Variants in TFCP2L1 observed in about 807,000 individuals in gnomAD.
TFCP2L1 encodes the protein transcription factor CP2 like 1.
Under a neutral mutation model 72.2 loss-of-function variants are expected in TFCP2L1, and 12 were observed. The ratio of observed to expected loss-of-function variants is 0.17; its 90% confidence interval spans 0.11 to 0.27. TFCP2L1 has a LOEUF of 0.27. Among genes scored for constraint, TFCP2L1 ranks in the 10% least tolerant of loss-of-function variants. The pLI, the probability that TFCP2L1 is intolerant of heterozygous loss-of-function variation, is 1.00. For synonymous variants in TFCP2L1, 260 were observed against 251.0 expected (o/e 1.04, Z -0.34); for missense variants, 488 against 624.6 (o/e 0.78, Z 2.33).
intron 2 of TFCP2L1, among the ~76,000 whole-genome samples, chr2:121,252,376 T>A (rs1207440473): frequency 6.6e-6 from 1 of 152,058 alleles, no homozygotes; most frequent in Non-Finnish European, 1.5e-5. Context: ...AAAAAGCAAT[T>A]GATTAGTACC....
intron 13 of TFCP2L1, among the ~76,000 whole-genome samples, chr2:121,229,867 T>C (rs1049894981): frequency 6.6e-6 from 1 of 152,208 alleles, no homozygotes; most frequent in African/African-American, 2.4e-5. Context: ...CCCTGCATTT[T>C]CTCTACTTCT....
At chr2:121,247,785 A>G (rs886659316) in intron 5 of TFCP2L1, among the ~76,000 whole-genome samples, 3 of 151,984 alleles carry the variant, frequency 2.0e-5, no homozygotes, top group African/African-American at 7.3e-5. Flanking sequence ...TTGATCTCAC[A>G]TGGCATATAA....
At chr2:121,262,988 T>C (rs1488390114) in intron 2 of TFCP2L1, among the ~76,000 whole-genome samples, 2 of 152,190 alleles carry the variant, frequency 1.3e-5, no homozygotes, top group African/African-American at 2.4e-5. Context: ...CAGGCTGGAG[T>C]GCAATGGCAC....
chr2:121,255,745 A>ATTT (rs67001640), intron 2 of TFCP2L1, among the ~76,000 whole-genome samples: 2 of 141,510 alleles, frequency 1.4e-5, no homozygotes, highest in African/African-American at 2.6e-5. Context: ...CCCTGAACTT[A>ATTT]TTTTTTTTTT....
At chr2:121,280,549 G>A (rs1044431757) in intron 2 of TFCP2L1, among the ~76,000 whole-genome samples, 9 of 152,160 alleles carry the variant, frequency 5.9e-5, no homozygotes, top group Admixed American at 2.0e-4. Context: ...CTTGAGCCCA[G>A]GAGTTTGAGA....
rs1685850413 is a variant in TFCP2L1 at position 121,217,135 on chromosome 2, C to T, written c.*7206G>A. 1 of 152,290 alleles carries T rather than the reference C, an allele frequency of 6.6e-6. No individual in the cohort carries two copies. The highest frequency in any genetic ancestry group is 1.5e-5 in the Non-Finnish European group (1 of 68,074). 9.4% of individuals were successfully genotyped at this position (152,290 alleles called of 1,614,324 possible). On this transcript the variant is annotated 3_prime_UTR_variant, in exon 15 of 15. Coordinates refer to ENST00000263707, the MANE Select transcript of TFCP2L1 (RefSeq NM_014553.3). ...CCGGACTGGACACCAGGAAGCTCAACCTGGCTCGGGCCATCAGTAGCTGTG... is the reference window on the plus strand; with the variant it reads ...CCGGACTGGACACCAGGAAGCTCAATCTGGCTCGGGCCATCAGTAGCTGTG...
chr2:121,241,508 A>G, intron 7 of TFCP2L1, among the ~76,000 whole-genome samples: 1 of 148,570 alleles, frequency 6.7e-6, no homozygotes, highest in East Asian at 2.0e-4. Flanking sequence ...AAAAACAAAC[A>G]AAAAAAAAAG....
chr2:121,241,021 A>T (rs983377169), intron 7 of TFCP2L1, among the ~76,000 whole-genome samples: 1 of 152,220 alleles, frequency 6.6e-6, no homozygotes, highest in Non-Finnish European at 1.5e-5. Flanking sequence ...CCTCACCCCT[A>T]ACAGCCTTAA....
chr2:121,265,037 C>T (rs1478149583), intron 2 of TFCP2L1, among the ~76,000 whole-genome samples: 1 of 152,194 alleles, frequency 6.6e-6, no homozygotes, highest in African/African-American at 2.4e-5. Flanking sequence ...AGGCTCACAA[C>T]AGCATTATTC....
At chr2:121,280,969 T>C (rs1003750545) in intron 2 of TFCP2L1, 151 bp downstream of exon 2, 1 of 909,380 alleles carries the variant, frequency 1.1e-6, no homozygotes, top group Non-Finnish European at 1.6e-6. Context: ...AGCTGGAAAA[T>C]GGAATCTGAA....
At chr2:121,226,983 C>T (rs1686043007) in intron 13 of TFCP2L1, among the ~76,000 whole-genome samples, 1 of 152,186 alleles carries the variant, frequency 6.6e-6, no homozygotes, top group Non-Finnish European at 1.5e-5. Flanking sequence ...CTACCAGCCC[C>T]GTCAGTCAAC....
At chr2:121,270,125 A>G (rs1204380240) in intron 2 of TFCP2L1, among the ~76,000 whole-genome samples, 2 of 152,110 alleles carry the variant, frequency 1.3e-5, no homozygotes, top group Non-Finnish European at 2.9e-5. Flanking sequence ...ATTTCACATC[A>G]TTGAGGAAAG....
intron 2 of TFCP2L1, among the ~76,000 whole-genome samples, chr2:121,254,568 C>T (rs1388741619): frequency 6.6e-6 from 1 of 152,174 alleles, no homozygotes; most frequent in Non-Finnish European, 1.5e-5. Context: ...GAGGCCAAGG[C>T]AGATGGATTG....
intron 2 of TFCP2L1, among the ~76,000 whole-genome samples, chr2:121,260,843 T>C (rs998677567): frequency 6.6e-6 from 1 of 152,192 alleles, no homozygotes; most frequent in Non-Finnish European, 1.5e-5. Context: ...TGGATCACAG[T>C]GTTCCCAAGA....
At chr2:121,271,639 G>T (rs1353883421) in intron 2 of TFCP2L1, among the ~76,000 whole-genome samples, 4 of 152,178 alleles carry the variant, frequency 2.6e-5, no homozygotes, top group African/African-American at 9.7e-5. Flanking sequence ...GATATAATTG[G>T]TAAGAAGGAA....
chr2:121,245,095 A>C (rs941818606), intron 6 of TFCP2L1, among the ~76,000 whole-genome samples: 19 of 152,220 alleles, frequency 1.2e-4, no homozygotes, highest in Non-Finnish European at 2.1e-4. Context: ...CTGATGCAAT[A>C]GGAAGACTAT....
chr2:121,247,120 A>G (rs1188597623), intron 5 of TFCP2L1, 150 bp from the exon 6 acceptor site: 6 of 919,512 alleles, frequency 6.5e-6, no homozygotes, highest in South Asian at 5.2e-5. Context: ...CACTCTGTCC[A>G]CTCCATCAGG....
At chr2:121,240,780 T>C in intron 7 of TFCP2L1, 2 of 971,622 alleles carry the variant, frequency 2.1e-6, no homozygotes, top group Non-Finnish European at 2.4e-6. Flanking sequence ...GAAACTGGTC[T>C]GGCCTCTAAT....
chr2:121,238,204 G>A (rs940284738), intron 8 of TFCP2L1, among the ~76,000 whole-genome samples: 3 of 152,120 alleles, frequency 2.0e-5, no homozygotes, highest in Admixed American at 6.5e-5. Context: ...GGAAAGGCAC[G>A]CTGACCAAGG....
Sources: allele counts gnomAD v4.1 joint callset (sites outside exome capture counted in the v4.1 genomes callset), GRCh38; gene constraint gnomAD v4.1.1; transcripts MANE v1.5; gene names NCBI Gene and HGNC (gene_info 2026-07-23, HGNC 2026-07-21).